VSIG8: variants seen among roughly 807,000 people sequenced by gnomAD.
VSIG8 encodes the protein V-set and immunoglobulin domain containing 8, also known as V-set and immunoglobulin domain-containing protein 8.
VSIG8 carries 32 observed loss-of-function variants against 42.6 expected under a neutral mutation model. The observed-to-expected ratio is 0.75, with a 90% CI of 0.57 to 1.01. The LOEUF (loss-of-function observed/expected upper bound fraction) is 1.01. VSIG8 is among the 50% of genes least tolerant of loss of function. VSIG8 has a pLI of 0.00. For missense variants in VSIG8, 529 were observed against 558.0 expected, an observed-to-expected ratio of 0.95 and a Z score of 0.52; for synonymous variants, 290 against 243.8, an observed-to-expected ratio of 1.19 and a Z score of -1.77.
At chr1:159,858,363 G>A in intron 2 of VSIG8, 72 bp from the exon 3 acceptor site, 1 of 1,504,790 alleles carries the variant, frequency 6.6e-7, no homozygotes, top group Non-Finnish European at 9.2e-7. Flanking sequence ...TGGCTGCTTT[G>A]GGCAATTCAC....
chr1:159,854,519 G>T lies in VSIG8; in HGVS notation c.*234C>A, dbSNP rs1648728111. 1 of 755,704 alleles carries T rather than the reference G, an allele frequency of 1.3e-6. No individual in the cohort carries two copies. The highest frequency in any genetic ancestry group is 1.8e-6 in the Non-Finnish European group (1 of 541,188). 46.8% of individuals were successfully genotyped at this position (755,704 alleles called of 1,614,324 possible). A position where few individuals can be genotyped will look rare whatever the true frequency, so the allele number is the denominator to read the frequency against. On this transcript the variant is annotated 3_prime_UTR_variant, in exon 7 of 7. Transcript: ENST00000368100. ...CCCTCTCCCCCAAGCCTTCGGTCCC[G>T]GGGGTGCGGAGAAGGCTCAGGATCG... is the stretch of plus-strand genomic sequence containing the variant.
At position 159,858,840 on chromosome 1, in the gene VSIG8, C is replaced by T. The variant is rs773952793; in HGVS notation, c.122G>A (p.Arg41Lys). 7 of 1,614,130 alleles carry T rather than the reference C, an allele frequency of 4.3e-6. No homozygotes were observed. The South Asian group carries it at 7.7e-5, about 18-fold the overall frequency. The change falls in exon 2 of 7, where the codon AGG becomes AAG. Residue 41 changes from arginine (R) to lysine (K), a missense_variant. Arg to Lys is a conservative substitution (Grantham distance 26). Transcript: ENST00000368100. ...VLYLAEGDNV[R>K]LGCPYVLDPE... Reference sequence around the variant, plus strand: ...GTCCAGGACGTAGGGGCAGCCCAGCCTCACATTATCACCTTCTGCCAGGTA... The same window carrying T: ...GTCCAGGACGTAGGGGCAGCCCAGCTTCACATTATCACCTTCTGCCAGGTA...
In VSIG8 at chr1:159,856,094, G is replaced by C; in HGVS notation, c.773-13C>G. 2.5e-6 allele frequency: 4 copies of C among 1,606,072 alleles called. No homozygotes were observed. The highest frequency in any genetic ancestry group is 3.4e-6 in the Non-Finnish European group (4 of 1,176,620). On this transcript the variant is annotated splice_polypyrimidine_tract_variant and intron_variant, in intron 5 of 6. Coordinates refer to ENST00000368100, the MANE Select transcript of VSIG8 (RefSeq NM_001013661.1). The stretch of plus-strand genomic sequence containing the variant: ...ATACGCCGGGAGTCTGTGGAGAGAA[G>C]TGGAGGCAGGTCAGGCTTTCTCACA...
rs60296316 is a variant in VSIG8, at chr1:159,855,789, G to A, written c.971+94C>T. On this transcript the variant is annotated intron_variant, in intron 6 of 6. Coordinates refer to ENST00000368100, the MANE Select transcript of VSIG8 (RefSeq NM_001013661.1). ...TGGCGATGGCGGGCAGGGTTGGGGT[G>A]GGGGGCCCAGCCGGCCGGTGGCAGG... 1.1e-4 allele frequency: 159 copies of A among 1,436,100 alleles called. No individual in the cohort carries two copies. The African/African-American group carries it at 2.2e-3, about 20-fold the overall frequency. 89.0% of individuals were successfully genotyped at this position (1,436,100 alleles called of 1,614,324 possible). A position where few individuals can be genotyped will look rare whatever the true frequency, so the allele number is the denominator to read the frequency against.
rs778270824 is a variant in VSIG8 at position 159,858,166 on chromosome 1, T to A, written c.354A>T (p.Val118=). 8 of 1,614,234 alleles carry A rather than the reference T, an allele frequency of 5.0e-6. No homozygotes were observed. In the South Asian group the frequency reaches 7.7e-5, roughly 16 times the overall value. ...DASINLMNLQ[V]SDTATYECRV... ...GGCACTCATAAGTGGCTGTATCAGA[T>A]ACCTGCAGGTTCATGAGGTTGATGG... The change falls in exon 3 of 7, where the codon GTA becomes GTT. Residue 118 remains valine (V), a synonymous_variant. Transcript: ENST00000368100.
chr1:159,857,841 G>A lies in VSIG8; in HGVS notation c.556C>T (p.His186Tyr), dbSNP rs368321634. 21 of 1,614,228 alleles carry A rather than the reference G, an allele frequency of 1.3e-5. No individual in the cohort carries two copies. Among genetic ancestry groups the A allele is most frequent in the Middle Eastern group, 3.3e-4 (2 of 6,062 alleles). Reference protein sequence around the residue: ...LSYKWAKISGHHYPYRAGSYT... With the variant: ...LSYKWAKISGYHYPYRAGSYT... The stretch of plus-strand genomic sequence containing the variant: ...GACCCAGCTCGATAGGGGTAATGGT[G>A]CCCACTGATCTTGGCCCACTTGTAG... The change falls in exon 4 of 7, where the codon CAC becomes TAC. Residue 186 changes from histidine to tyrosine, a missense_variant. His to Tyr is a moderately conservative substitution (Grantham distance 83). Coordinates refer to ENST00000368100, the MANE Select transcript of VSIG8 (RefSeq NM_001013661.1).
At chr1:159,859,160 A>C (rs1420215347) in intron 1 of VSIG8, among the ~76,000 whole-genome samples, 1 of 152,214 alleles carries the variant, frequency 6.6e-6, no homozygotes, top group Non-Finnish European at 1.5e-5. Context: ...ATATATGATT[A>C]TGTGTATGCA....
intron 2 of VSIG8, among the ~76,000 whole-genome samples, 186 bp downstream of exon 2, chr1:159,858,548 G>C (rs1247046387): frequency 6.6e-6 from 1 of 152,240 alleles, no homozygotes; most frequent in East Asian, 1.9e-4. Context: ...TTTAGAATGG[G>C]ATGGGAGGAG....
In VSIG8 at chr1:159,858,787, C is replaced by T. The variant is rs779466089; in HGVS notation, c.175G>A (p.Asp59Asn). The change falls in exon 2 of 7, where the codon GAC becomes AAC. Residue 59 changes from aspartate (D) to asparagine (N), a missense_variant. Coordinates refer to ENST00000368100, the MANE Select transcript of VSIG8 (RefSeq NM_001013661.1). ...GAGTTGACCTGCATCCACTCGATGT[C>T]CAGCCCATTGGGACCATAGTCCTCA... ...DPEDYGPNGL[D>N]IEWMQVNSDP... is the part of the protein sequence containing the mutation. The T allele has an allele frequency of 1.2e-6, 2 of 1,613,988 alleles. No homozygotes were observed. The highest frequency in any genetic ancestry group is 1.7e-6 in the Non-Finnish European group (2 of 1,179,992).
rs527545203 is a variant in VSIG8 at position 159,855,323 on chromosome 1, G to A, written c.972-297C>T. 6.0e-6 allele frequency: 9 copies of A among 1,505,504 alleles called. No individual in the cohort carries two copies. In the South Asian group the frequency reaches 6.3e-5, roughly 10 times the overall value. 93.3% of individuals were successfully genotyped at this position (1,505,504 alleles called of 1,614,324 possible). A position where few individuals can be genotyped will look rare whatever the true frequency, so the allele number is the denominator to read the frequency against. ...CCCTGCAATCCCTTTCTGATGTTTC[G>A]CAGGCCCAGAAGAAGGTGCTTTTCC... On this transcript the variant is annotated intron_variant, in intron 6 of 6. Coordinates refer to ENST00000368100, the MANE Select transcript of VSIG8 (RefSeq NM_001013661.1).
chr1:159,854,858 G>T lies in VSIG8; in HGVS notation c.1140C>A (p.Ala380=), dbSNP rs770480779. 1 of 1,476,024 alleles carries T rather than the reference G, an allele frequency of 6.8e-7. No homozygotes were observed. Among genetic ancestry groups the T allele is most frequent in the Non-Finnish European group, 8.9e-7 (1 of 1,123,022 alleles). 91.4% of individuals were successfully genotyped at this position (1,476,024 alleles called of 1,614,324 possible). ...CCGGGGAGGGGCCCGCTTCGCAGGC[G>T]GCGGCGGCGGTGCAGGGCGCCAGGG... ...DVALAPCTAA[A]ACEAGPSPVY... Residue 380 remains alanine (A), a synonymous_variant, in exon 7 of 7, where the codon GCC becomes GCA. Transcript: ENST00000368100.
Position 159,858,872 on chromosome 1 carries a change from C to T in VSIG8, c.90G>A (p.Glu30=), listed in dbSNP as rs750955705. 13 of 1,613,998 alleles carry T rather than the reference C, an allele frequency of 8.1e-6. No homozygotes were observed. In the East Asian group the frequency reaches 2.7e-4, roughly 33 times the overall value. The part of the protein sequence containing the change: ...SAVRINGDGQ[E]VLYLAEGDNV... Reference sequence around the variant, plus strand: ...TATCACCTTCTGCCAGGTACAGGACCTCCTGTCCATCCCCGTTGATCCGCA... The same window carrying T: ...TATCACCTTCTGCCAGGTACAGGACTTCCTGTCCATCCCCGTTGATCCGCA... The change falls in exon 2 of 7, where the codon GAG becomes GAA. Residue 30 remains glutamate, a synonymous_variant. Coordinates refer to ENST00000368100, the MANE Select transcript of VSIG8 (RefSeq NM_001013661.1).
rs1490675501 is a variant in VSIG8, at chr1:159,856,648, A to G, written c.653-5T>C. On this transcript the variant is annotated splice_region_variant and splice_polypyrimidine_tract_variant and intron_variant, in intron 4 of 6. Coordinates refer to ENST00000368100, the MANE Select transcript of VSIG8 (RefSeq NM_001013661.1). ...CCAGGTCCCCATTGTTCAGGCCTGA[A>G]AGTGAAGTGGAGAGAGGCCTGGTCT... The G allele has an allele frequency of 2.5e-6, 4 of 1,613,454 alleles. No homozygotes were observed. Among genetic ancestry groups the G allele is most frequent in the Non-Finnish European group, 8.5e-7 (1 of 1,179,692 alleles).
chr1:159,862,478 C>A lies in VSIG8; in HGVS notation c.44G>T (p.Ser15Ile). Reference protein sequence around the residue: ...GAFHLLLVCLSPALLSAVRIN... With the variant: ...GAFHLLLVCLIPALLSAVRIN... ...CCCCCTGCCCAGCCCCGTACCTGGGCTCAGGCACACGAGTAGAAGGTGGAA... is the reference window on the plus strand; with the variant it reads ...CCCCCTGCCCAGCCCCGTACCTGGGATCAGGCACACGAGTAGAAGGTGGAA... Residue 15 changes from serine (S) to isoleucine (I), a missense_variant, in exon 1 of 7, where the codon AGC (serine) becomes ATC (isoleucine). Transcript: ENST00000368100. 6.2e-7 allele frequency: 1 copy of A among 1,612,986 alleles called. No homozygotes were observed. Among genetic ancestry groups the A allele is most frequent in the Non-Finnish European group, 8.5e-7 (1 of 1,179,338 alleles).
Position 159,854,704 on chromosome 1 carries a change from C to T in VSIG8, c.*49G>A. 6 of 1,415,642 alleles carry T rather than the reference C, an allele frequency of 4.2e-6. No homozygotes were observed. The highest frequency in any genetic ancestry group is 5.5e-6 in the Non-Finnish European group (6 of 1,094,450). The allele number at this position is 1,415,642 out of a possible 1,614,324, so 87.7% of individuals were successfully genotyped here. ...CGTGTCCCCAGCTGCAGACAGAGAG[C>T]CCCGCGCCCTCCTCCTGGCTGGGGC... is the stretch of plus-strand genomic sequence containing the variant. On this transcript the variant is annotated 3_prime_UTR_variant, in exon 7 of 7. Transcript: ENST00000368100.
Position 159,854,729 on chromosome 1 carries a change from C to A in VSIG8, c.*24G>T, listed in dbSNP as rs999593539. 3.5e-6 allele frequency: 5 copies of A among 1,448,428 alleles called. No homozygotes were observed. Among genetic ancestry groups the A allele is most frequent in the Non-Finnish European group, 4.5e-6 (5 of 1,109,422 alleles). 89.7% of individuals were successfully genotyped at this position (1,448,428 alleles called of 1,614,324 possible). On this transcript the variant is annotated 3_prime_UTR_variant, in exon 7 of 7. Transcript: ENST00000368100. Reference sequence around the variant, plus strand: ...CCCCGCGCCCTCCTCCTGGCTGGGGCGCAGCCCGGCCCGGCGCGCGCGCTC... The same window carrying A: ...CCCCGCGCCCTCCTCCTGGCTGGGGAGCAGCCCGGCCCGGCGCGCGCGCTC...
intron 4 of VSIG8, 144 bp from the exon 5 acceptor site, chr1:159,856,787 A>ACACC: frequency 9.5e-7 from 1 of 1,054,978 alleles, no homozygotes; most frequent in Non-Finnish European, 1.3e-6. Flanking sequence ...ACACACACAC[A>ACACC]CACTCCACTC....
Position 159,855,915 on chromosome 1 carries a change from T to C in VSIG8, c.939A>G (p.Gly313=). Residue 313 remains glycine, a synonymous_variant, in exon 6 of 7, where the codon GGA becomes GGG. Coordinates refer to ENST00000368100, the MANE Select transcript of VSIG8 (RefSeq NM_001013661.1). ...CACTAGCCAAGTCGCCGCAGGCCCC[T>C]CCGCCGACCCCGCCGCCGTTGCCGT... ...FGYGNGGGVG[G]GACGDLASEI... The C allele has an allele frequency of 6.4e-7, 1 of 1,558,470 alleles. No homozygotes were observed. The highest frequency in any genetic ancestry group is 8.7e-7 in the Non-Finnish European group (1 of 1,153,864).
chr1:159,862,413 GC>G, intron 1 of VSIG8, 59 bp downstream of exon 1: 1 of 1,541,308 alleles, frequency 6.5e-7, no homozygotes. Flanking sequence ...AGCCCTTGCT[GC>G]CCCTTTCCTT....
Sources: allele counts gnomAD v4.1 joint callset (sites outside exome capture counted in the v4.1 genomes callset), GRCh38; gene constraint gnomAD v4.1.1; transcripts MANE v1.5; gene names NCBI Gene and HGNC (gene_info 2026-07-23, HGNC 2026-07-21).